Variants in PTPRD observed in about 807,000 individuals in gnomAD.
PTPRD encodes receptor-type tyrosine-protein phosphatase delta.
A neutral mutation model predicts 214.5 loss-of-function variants in PTPRD; 34 were observed. The ratio of observed to expected loss-of-function variants is 0.16; its 90% CI spans 0.12 to 0.21. The LOEUF is 0.21. Ranked by LOEUF, PTPRD falls within the 10% of genes least tolerant of loss-of-function variation. The probability of loss-of-function intolerance (pLI) is 1.00; values close to 1 mark genes in which losing one functional copy is unlikely to be tolerated. For synonymous variants in PTPRD, 1,128 were observed against 845.7 expected, an observed-to-expected ratio of 1.33 and a Z score of -5.79; for missense variants, 2,545 against 2,398.7, an observed-to-expected ratio of 1.06 and a Z score of -1.27.
chr9:8,607,750 T>G (rs1030775613), intron 14 of PTPRD, among the ~76,000 whole-genome samples: 2 of 152,212 alleles, frequency 1.3e-5, no homozygotes, highest in African/African-American at 4.8e-5. Context: ...AGAGCTGCCA[T>G]GCCAAACCTC....
In PTPRD at chr9:10,259,664, C is replaced by T. The variant is rs2093562651; in HGVS notation, c.-545+81299G>A. On this transcript the variant is annotated intron_variant, in intron 3 of 45. Coordinates refer to ENST00000381196, the MANE Select transcript of PTPRD (RefSeq NM_002839.4). ...TCCTTTAAACTGTCATCATTTTGGC[C>T]TAGTTAATAAAAAGTGGGTATCAAC... is the stretch of plus-strand genomic sequence containing the variant. 2.0e-5 allele frequency among the ~76,000 whole-genome samples: 3 copies of T among 152,088 alleles called. No homozygotes were observed. The South Asian group carries it at 6.2e-4, about 31-fold the overall frequency.
rs1434746599 is a variant in PTPRD, at chr9:8,484,154, C to T, written c.3378G>A (p.Val1126=). 1 of 1,614,136 alleles carries T rather than the reference C, an allele frequency of 6.2e-7. No individual in the cohort carries two copies. Among genetic ancestry groups the T allele is most frequent in the South Asian group, 1.1e-5 (1 of 91,088 alleles). The part of the protein sequence containing the change: ...GKTNLDGMIT[V]QLPEVPANEN... ...CATTTGCAGGTACTTCAGGCAGTTG[C>T]ACAGTAATCATGCCATCCAAGTTGG... The change falls in exon 30 of 46, where the codon GTG becomes GTA. Residue 1126 remains valine, a synonymous_variant. Coordinates refer to ENST00000381196, the MANE Select transcript of PTPRD (RefSeq NM_002839.4).
chr9:9,418,773 T>A (rs1008103863), intron 8 of PTPRD, among the ~76,000 whole-genome samples: 2 of 152,006 alleles, frequency 1.3e-5, no homozygotes, highest in East Asian at 1.9e-4. Flanking sequence ...GAAAGTGAGA[T>A]CAGGCCTAAA....
intron 4 of PTPRD, among the ~76,000 whole-genome samples, chr9:10,008,070 C>G (rs781743971): frequency 5.3e-5 from 8 of 151,916 alleles, no homozygotes; most frequent in Non-Finnish European, 1.0e-4. Flanking sequence ...TCTGGGGGAG[C>G]TGGCATTTCC....
intron 2 of PTPRD, among the ~76,000 whole-genome samples, chr9:10,471,634 T>G (rs2099031769): frequency 6.6e-6 from 1 of 152,138 alleles, no homozygotes; most frequent in African/African-American, 2.4e-5. Context: ...TCATACACAG[T>G]ATGTGCTAAA....
chr9:8,799,566 CA>C, intron 11 of PTPRD, among the ~76,000 whole-genome samples: 1 of 152,264 alleles, frequency 6.6e-6, no homozygotes, highest in South Asian at 2.1e-4. Context: ...GTAAAGTAAG[CA>C]AGGAAGTTTG....
At chr9:9,797,848 CA>C (rs1275818753) in intron 5 of PTPRD, among the ~76,000 whole-genome samples, 1 of 150,718 alleles carries the variant, frequency 6.6e-6, no homozygotes. Flanking sequence ...GACTTAATCT[CA>C]AAAAAATAAA....
At chr9:9,650,430 G>T (rs1039753269) in intron 7 of PTPRD, among the ~76,000 whole-genome samples, 1 of 152,156 alleles carries the variant, frequency 6.6e-6, no homozygotes, top group Non-Finnish European at 1.5e-5. Flanking sequence ...TGGTGGATAA[G>T]CTTTTAGATG....
At chr9:8,694,275 G>A (rs1681566455) in intron 12 of PTPRD, among the ~76,000 whole-genome samples, 3 of 152,060 alleles carry the variant, frequency 2.0e-5, no homozygotes, top group Non-Finnish European at 1.5e-5. Flanking sequence ...AATAGCCATG[G>A]GAGAGAAATT....
chr9:9,663,914 A>G (rs1284260569), intron 7 of PTPRD, among the ~76,000 whole-genome samples: 1 of 151,468 alleles, frequency 6.6e-6, no homozygotes, highest in Non-Finnish European at 1.5e-5. Flanking sequence ...CTGGATTTGA[A>G]TAGTTTTTAA....
chr9:8,426,311 C>A (rs1033684146), intron 35 of PTPRD, among the ~76,000 whole-genome samples: 5 of 152,148 alleles, frequency 3.3e-5, no homozygotes, highest in African/African-American at 1.2e-4. Context: ...ACTAATTGGC[C>A]CAGTCAAAAT....
chr9:10,405,822 T>C (rs1404333971), intron 2 of PTPRD, among the ~76,000 whole-genome samples: 1 of 151,440 alleles, frequency 6.6e-6, no homozygotes, highest in Non-Finnish European at 1.5e-5. Flanking sequence ...ACGATAGGCA[T>C]CAAGATTTTA....
At chr9:10,104,349 T>C (rs1338203924) in intron 3 of PTPRD, among the ~76,000 whole-genome samples, 1 of 151,652 alleles carries the variant, frequency 6.6e-6, no homozygotes, top group Non-Finnish European at 1.5e-5. Flanking sequence ...ATTTTATAAT[T>C]AAAAAAAGAA....
In PTPRD at chr9:9,978,891, C is replaced by T. The variant is rs564150276; in HGVS notation, c.-471-40281G>A. 9.9e-5 allele frequency among the ~76,000 whole-genome samples: 15 copies of T among 151,782 alleles called. No individual in the cohort carries two copies. In the East Asian group the frequency reaches 1.2e-3, roughly 12 times the overall value. ...AGGTAGCCAGAGAAAAAAGAAAAGT[C>T]GACACATTATACAGGAATGAAAACA... is the stretch of plus-strand genomic sequence containing the variant. On this transcript the variant is annotated intron_variant, in intron 4 of 45. Transcript: ENST00000381196.
At position 8,331,742 on chromosome 9, in the gene PTPRD, G is replaced by A. The variant is rs1587824876; in HGVS notation, c.5380-6C>T. ...ACTGTTCGGGACTGGCCGTCCTTTA[G>A]AAGGAAAGCCACATACCCGGCCGCA... On this transcript the variant is annotated splice_region_variant and splice_polypyrimidine_tract_variant and intron_variant, in intron 43 of 45. Transcript: ENST00000381196. The A allele has an allele frequency of 6.3e-7, 1 of 1,581,876 alleles. No homozygotes were observed. The highest frequency in any genetic ancestry group is 8.6e-7 in the Non-Finnish European group (1 of 1,165,546).
intron 8 of PTPRD, among the ~76,000 whole-genome samples, chr9:9,519,661 A>G (rs907849941): frequency 6.6e-6 from 1 of 152,056 alleles, no homozygotes; most frequent in Non-Finnish European, 1.5e-5. Context: ...ATGCAAAATA[A>G]CTACAAATAT....
intron 8 of PTPRD, among the ~76,000 whole-genome samples, chr9:9,474,084 T>C (rs887789609): frequency 2.6e-5 from 4 of 152,122 alleles, no homozygotes; most frequent in Non-Finnish European, 4.4e-5. Context: ...AGTGGTTTTA[T>C]AGACTTGGGT....
intron 11 of PTPRD, among the ~76,000 whole-genome samples, chr9:8,748,118 A>G (rs1490366461): frequency 6.6e-6 from 1 of 152,134 alleles, no homozygotes; most frequent in Non-Finnish European, 1.5e-5. Flanking sequence ...ACTATGCCCC[A>G]ATTCAGCAGG....
intron 9 of PTPRD, among the ~76,000 whole-genome samples, chr9:9,333,527 A>ATATAT (rs1569567453): frequency 8.1e-6 from 1 of 124,110 alleles, no homozygotes; most frequent in Admixed American, 7.5e-5. Flanking sequence ...TATATATATA[A>ATATAT]AGTCTGCAAT....
Sources: gnomAD v4.1 joint callset for allele counts (sites outside exome capture counted in the v4.1 genomes callset) on GRCh38, gnomAD v4.1.1 for gene constraint, MANE v1.5 for transcripts, NCBI Gene and HGNC (gene_info 2026-07-23, HGNC 2026-07-21) for gene names.